The following IL17REL variants were observed in gnomAD, a reference collection of about 807,000 sequenced individuals.
IL17REL encodes the protein interleukin 17 receptor E like, also known as interleukin-17 receptor E-like protein.
IL17REL carries 36 observed loss-of-function variants against 49.0 expected under a neutral mutation model. The ratio of observed to expected loss-of-function variants is 0.73; its 90% CI spans 0.56 to 0.97. The LOEUF (loss-of-function observed/expected upper bound fraction) is 0.97, where lower values mean the gene tolerates loss of function less well. Among genes scored for constraint, IL17REL ranks in the 50% least tolerant of loss-of-function variants. IL17REL has a pLI of 0.00. For missense variants in IL17REL, 470 were observed against 453.9 expected (o/e 1.04, Z -0.32); for synonymous variants, 206 against 192.4 (o/e 1.07, Z -0.58).
rs749849140 is a variant in IL17REL at position 49,997,776 on chromosome 22, A to T, written c.820-34T>A. 1.1e-5 allele frequency: 17 copies of T among 1,604,748 alleles called. No individual in the cohort carries two copies. The East Asian group carries it at 2.0e-4, about 19-fold the overall frequency. On this transcript the variant is annotated intron_variant, in intron 9 of 12. Transcript: ENST00000341280. ...TGGGGTGAGGGGTGCAGGAGGGTGG[A>T]GTGTGTGTGAGGCAGGGGCAGGGAC...
chr22:49,994,268 TC>T (rs1463610604), downstream of IL17REL, among the ~76,000 whole-genome samples: 3 of 151,724 alleles, frequency 2.0e-5, no homozygotes, highest in East Asian at 5.8e-4. Context: ...CCACCACTGG[TC>T]CTTTATGGGG....
upstream of IL17REL, among the ~76,000 whole-genome samples, chr22:50,012,080 TGA>T (rs2061144132): frequency 2.6e-5 from 1 of 38,010 alleles, no homozygotes; most frequent in African/African-American, 8.2e-5. Context: ...CCTGTAAGGC[TGA>T]GTGAGTGGGC....
Position 49,997,728 on chromosome 22 carries a change from C to T in IL17REL, c.834G>A (p.Trp278Ter). ...CGAAAGGGCACCGCACCCAGGACCCCCAACTGGTAGAGAACTGCAAAGTGG... is the reference window on the plus strand; with the variant it reads ...CGAAAGGGCACCGCACCCAGGACCCTCAACTGGTAGAGAACTGCAAAGTGG... Residue 278 changes from tryptophan (W) to a stop codon, truncating the protein, a stop_gained, in exon 10 of 13, where the codon TGG becomes TGA. Coordinates refer to ENST00000341280, the Ensembl canonical transcript of IL17REL. LOFTEE classifies it high-confidence loss of function. 1 of 1,613,936 alleles carries T rather than the reference C, an allele frequency of 6.2e-7. No individual in the cohort carries two copies. Among genetic ancestry groups the T allele is most frequent in the Non-Finnish European group, 8.5e-7 (1 of 1,180,004 alleles).
chr22:50,010,835 C>T (rs2061136381), upstream of IL17REL, among the ~76,000 whole-genome samples: 1 of 151,648 alleles, frequency 6.6e-6, no homozygotes, highest in African/African-American at 2.4e-5. Context: ...GGGGCTGAGC[C>T]CGGGCGCTGG....
chr22:49,999,814 G>T lies in IL17REL; in HGVS notation c.474+14C>A. On this transcript the variant is annotated intron_variant, in intron 5 of 12. Transcript: ENST00000341280. ...GGCCTAAGGCTGACCGGGGCCCGGG[G>T]CGCGGGCGCTCACTCGCACAGGGGC... 1 of 1,496,146 alleles carries T rather than the reference G, an allele frequency of 6.7e-7. No homozygotes were observed. The allele number at this position is 1,496,146 out of a possible 1,614,324, so 92.7% of individuals were successfully genotyped here.
downstream of IL17REL, among the ~76,000 whole-genome samples, chr22:49,992,516 C>T (rs966167437): frequency 2.0e-5 from 3 of 152,230 alleles, no homozygotes; most frequent in Non-Finnish European, 4.4e-5. Flanking sequence ...CAGCCTCAAT[C>T]CCCCAGGCTC....
At chr22:50,012,162 C>G (rs921496333), upstream of IL17REL, among the ~76,000 whole-genome samples, 1 of 152,192 alleles carries the variant, frequency 6.6e-6, no homozygotes, top group Non-Finnish European at 1.5e-5. Flanking sequence ...AGCACGTTCT[C>G]CGAGTGTTTC....
chr22:50,011,631 C>A (rs781730498), upstream of IL17REL, among the ~76,000 whole-genome samples: 4 of 152,014 alleles, frequency 2.6e-5, no homozygotes, highest in South Asian at 2.1e-4. Context: ...CCGGTGGACA[C>A]CCCTCCCACC....
Position 49,997,514 on chromosome 22 carries a change from C to T in IL17REL, c.878-98G>A, listed in dbSNP as rs936442057. On this transcript the variant is annotated intron_variant, in intron 10 of 12. Transcript: ENST00000341280. ...GGGAGTGAAGGGTGAGACCCCCATC[C>T]GGCCCAGCACCCCACCGCCTCCCTT... 7.7e-5 allele frequency: 105 copies of T among 1,367,566 alleles called. No individual in the cohort carries two copies. The African/African-American group carries it at 8.9e-4, about 12-fold the overall frequency. 84.7% of individuals were successfully genotyped at this position (1,367,566 alleles called of 1,614,324 possible).
chr22:50,000,920 G>C, intron 2 of IL17REL, 57 bp from the exon 4 acceptor site: 1 of 1,380,046 alleles, frequency 7.2e-7, no homozygotes, highest in Non-Finnish European at 9.8e-7. Context: ...CCTGGCTCCG[G>C]ACGGGGCCGT....
chr22:49,992,346 G>C (rs552176993), downstream of IL17REL, among the ~76,000 whole-genome samples: 1 of 152,332 alleles, frequency 6.6e-6, no homozygotes, highest in African/African-American at 2.4e-5. Context: ...CCCTGTTAGA[G>C]CCGGGCAATG....
chr22:50,008,875 C>T (rs896736624), upstream of IL17REL: 1 of 152,252 alleles, frequency 6.6e-6, no homozygotes, highest in Non-Finnish European at 1.5e-5. Flanking sequence ...GGCCCCAGCT[C>T]CCCGACCCAC....
At chr22:50,010,220 G>GC (rs2061131781), upstream of IL17REL, among the ~76,000 whole-genome samples, 1 of 152,246 alleles carries the variant, frequency 6.6e-6, no homozygotes, top group Non-Finnish European at 1.5e-5. Context: ...CCAGCGTCCT[G>GC]ATGGAAGCCC....
intron 7 of IL17REL, among the ~76,000 whole-genome samples, chr22:49,998,789 G>C (rs1451095115): frequency 1.3e-5 from 2 of 151,814 alleles, no homozygotes; most frequent in Admixed American, 1.3e-4. Context: ...GTGTGGGTGT[G>C]CGTATGCATG....
chr22:50,000,320 C>T (rs928833372), intron 4 of IL17REL, among the ~76,000 whole-genome samples, 80 bp from the exon 6 acceptor site: 2 of 152,262 alleles, frequency 1.3e-5, no homozygotes, highest in Non-Finnish European at 2.9e-5. Context: ...CCCCCATCCA[C>T]GCGCTGTGCC....
At chr22:49,994,360 T>C (rs555862892), downstream of IL17REL, among the ~76,000 whole-genome samples, 5 of 151,732 alleles carry the variant, frequency 3.3e-5, no homozygotes, top group South Asian at 6.2e-4. Context: ...CTCCCCTGAG[T>C]CCCAAGGTGC....
chr22:49,999,930 C>T lies in IL17REL; in HGVS notation c.372G>A (p.Lys124=), dbSNP rs1443437911. 3 of 1,533,066 alleles carry T rather than the reference C, an allele frequency of 2.0e-6. No homozygotes were observed. The Admixed American group carries it at 6.1e-5, about 31-fold the overall frequency. 95.0% of individuals were successfully genotyped at this position (1,533,066 alleles called of 1,614,324 possible). A position where few individuals can be genotyped will look rare whatever the true frequency, so the allele number is the denominator to read the frequency against. ...CCCTGGGCACTTGCACCAGAATCGC[C>T]TTGCGCCTCCGGTCCACCCAGTAGC... Residue 124 remains lysine (K), a synonymous_variant, in exon 5 of 13, where the codon AAG becomes AAA. Coordinates refer to ENST00000341280, the Ensembl canonical transcript of IL17REL.
In IL17REL at chr22:49,997,146, C is replaced by T. The variant is rs2061040395; in HGVS notation, c.975-72G>A. 10 of 1,457,944 alleles carry T rather than the reference C, an allele frequency of 6.9e-6. No individual in the cohort carries two copies. The South Asian group carries it at 9.8e-5, about 14-fold the overall frequency. The allele number at this position is 1,457,944 out of a possible 1,614,324, so 90.3% of individuals were successfully genotyped here. A position where few individuals can be genotyped will look rare whatever the true frequency, so the allele number is the denominator to read the frequency against. ...CAGGCTAAACACTGTCCTTCTCCCA[C>T]ATCCTCTCAGCACCCACAAAGCAGG... On this transcript the variant is annotated intron_variant, in intron 11 of 12. Coordinates refer to ENST00000341280, the Ensembl canonical transcript of IL17REL.
rs894160284 is a variant in IL17REL at position 50,000,023 on chromosome 22, C to G, written c.335-56G>C. On this transcript the variant is annotated intron_variant, in intron 4 of 12. Coordinates refer to ENST00000341280, the Ensembl canonical transcript of IL17REL. Reference sequence around the variant, plus strand: ...GGGACCAGCGGTCACCGACGCGGGGCTCTGTCTGTCCCGAGAGCCCCGACG... The same window carrying G: ...GGGACCAGCGGTCACCGACGCGGGGGTCTGTCTGTCCCGAGAGCCCCGACG... 4.7e-5 allele frequency: 66 copies of G among 1,417,086 alleles called. No individual in the cohort carries two copies. In the African/African-American group the frequency reaches 8.3e-4, roughly 18 times the overall value. The allele number at this position is 1,417,086 out of a possible 1,614,324, so 87.8% of individuals were successfully genotyped here. A position where few individuals can be genotyped will look rare whatever the true frequency, so the allele number is the denominator to read the frequency against.
Sources: allele counts gnomAD v4.1 joint callset (sites outside exome capture counted in the v4.1 genomes callset), GRCh38; gene constraint gnomAD v4.1.1; transcripts MANE v1.5; gene names NCBI Gene and HGNC (gene_info 2026-07-23, HGNC 2026-07-21).